The following VWC2L variants were observed in gnomAD, a reference collection of about 807,000 sequenced individuals.
VWC2L encodes von Willebrand factor C domain containing 2 like.
VWC2L carries 10 observed loss-of-function variants against 21.6 expected under a neutral mutation model. The observed-to-expected ratio is 0.46, with a 90% CI of 0.29 to 0.78. The LOEUF (loss-of-function observed/expected upper bound fraction) is 0.78. Among genes scored for constraint, VWC2L ranks in the 30% least tolerant of loss-of-function variants. The pLI is 0.10. For synonymous variants in VWC2L, 96 were observed against 94.3 expected, an observed-to-expected ratio of 1.02 and a Z score of -0.10; for missense variants, 209 against 277.1, an observed-to-expected ratio of 0.75 and a Z score of 1.74.
At chr2:214,490,996 G>C (rs183095834) in intron 3 of VWC2L, among the ~76,000 whole-genome samples, 44 of 152,280 alleles carry the variant, frequency 2.9e-4, no homozygotes, top group Middle Eastern at 3.4e-3. Context: ...TACATTCATA[G>C]ATACAGAAAA....
intron 3 of VWC2L, among the ~76,000 whole-genome samples, chr2:214,502,286 G>A (rs572347101): frequency 1.3e-5 from 2 of 152,088 alleles, no homozygotes; most frequent in East Asian, 1.9e-4. Flanking sequence ...AAATGACAAC[G>A]ATTGGCAGGG....
chr2:214,438,125 T>C (rs1020384150), intron 3 of VWC2L, among the ~76,000 whole-genome samples: 1 of 151,932 alleles, frequency 6.6e-6, no homozygotes, highest in African/African-American at 2.4e-5. Flanking sequence ...CTGAAGAAAC[T>C]GGAAAAGATA....
rs61633863 is a variant in VWC2L, at chr2:214,483,918, G to C, written c.520+47160G>C. ...ACCACAGAACATTTATTCTCTAACG[G>C]TTTTGGAAGATGGAAGTCTCAAATG... On this transcript the variant is annotated intron_variant, in intron 3 of 3. Transcript: ENST00000312504. 9.4e-3 allele frequency among the ~76,000 whole-genome samples: 1,426 copies of C among 152,224 alleles called. 29 individuals carry two copies. The highest frequency in any genetic ancestry group is 0.032 in the African/African-American group (1,346 of 41,522).
chr2:214,563,577 A>AAAAAAAAAAAAAAAAAAAC, intron 3 of VWC2L, among the ~76,000 whole-genome samples: 1 of 117,830 alleles, frequency 8.5e-6, no homozygotes. Flanking sequence ...AAAAAAAAAA[A>AAAAAAAAAAAAAAAAAAAC]AAAATCAAGT....
At chr2:214,552,936 T>A (rs1203685200) in intron 3 of VWC2L, among the ~76,000 whole-genome samples, 1 of 152,228 alleles carries the variant, frequency 6.6e-6, no homozygotes, top group Non-Finnish European at 1.5e-5. Flanking sequence ...CTTTTATATT[T>A]CTCTTCTCAA....
intron 3 of VWC2L, among the ~76,000 whole-genome samples, chr2:214,460,180 C>A (rs1288487094): frequency 6.6e-6 from 1 of 152,110 alleles, no homozygotes; most frequent in Non-Finnish European, 1.5e-5. Context: ...AGATCACAGG[C>A]GTGAGCCACC....
chr2:214,571,326 G>A (rs148824353), intron 3 of VWC2L, among the ~76,000 whole-genome samples: 2 of 152,278 alleles, frequency 1.3e-5, no homozygotes, highest in Non-Finnish European at 2.9e-5. Flanking sequence ...TTTCTGGCAA[G>A]TTACTTTTTA....
rs534872990 is a variant in VWC2L, at chr2:214,576,393, T to A, written c.*573T>A. ...CTAGGGTGAATCATGCCCTGTAGAC[T>A]AAGGAAAGAGGGGTGGGCACATAGA... On this transcript the variant is annotated 3_prime_UTR_variant, in exon 4 of 4. Transcript: ENST00000312504. 1 of 152,078 alleles carries A rather than the reference T, an allele frequency of 6.6e-6. No individual in the cohort carries two copies. Among genetic ancestry groups the A allele is most frequent in the African/African-American group, 2.4e-5 (1 of 41,490 alleles). 9.4% of individuals were successfully genotyped at this position (152,078 alleles called of 1,614,324 possible).
intron 3 of VWC2L, among the ~76,000 whole-genome samples, chr2:214,528,687 C>T (rs1199250333): frequency 1.3e-5 from 2 of 152,042 alleles, no homozygotes; most frequent in Non-Finnish European, 2.9e-5. Context: ...TCTGTCAAAA[C>T]CCATGTTCGT....
rs543287501 is a variant in VWC2L at position 214,512,566 on chromosome 2, T to TA, written c.521-63093dup. 1.3e-3 allele frequency among the ~76,000 whole-genome samples: 183 copies of TA among 145,096 alleles called. 2 individuals carry two copies. The South Asian group carries it at 0.013, about 10-fold the overall frequency. On this transcript the variant is annotated intron_variant, in intron 3 of 3. Coordinates refer to ENST00000312504, the MANE Select transcript of VWC2L (RefSeq NM_001080500.4). ...GTACATATACCCCTGAACTTAAAAGTAAAAAAAAAAAAATTTTACTCTCAC... is the reference window on the plus strand; with the variant it reads ...GTACATATACCCCTGAACTTAAAAGTAAAAAAAAAAAAAATTTTACTCTCAC...
intron 3 of VWC2L, among the ~76,000 whole-genome samples, chr2:214,495,021 G>C (rs1011981037): frequency 6.6e-6 from 1 of 152,034 alleles, no homozygotes; most frequent in African/African-American, 2.4e-5. Flanking sequence ...TTGTGCTTTC[G>C]AAGTGTCTGG....
At position 214,549,247 on chromosome 2, in the gene VWC2L, A is replaced by C. The variant is rs542424722; in HGVS notation, c.521-26425A>C. 4.1e-4 allele frequency among the ~76,000 whole-genome samples: 63 copies of C among 152,174 alleles called. 1 individual carries two copies. The highest frequency in any genetic ancestry group is 3.7e-3 in the Admixed American group (57 of 15,284). On this transcript the variant is annotated intron_variant, in intron 3 of 3. Coordinates refer to ENST00000312504, the MANE Select transcript of VWC2L (RefSeq NM_001080500.4). ...ATTCTTCACTCAATTGTGTCAGCAC[A>C]CTCGCTTTTACCATGTAAGGTGACA... is the stretch of plus-strand genomic sequence containing the variant.
At chr2:214,526,899 A>T (rs1689347938) in intron 3 of VWC2L, among the ~76,000 whole-genome samples, 1 of 152,234 alleles carries the variant, frequency 6.6e-6, no homozygotes, top group Non-Finnish European at 1.5e-5. Context: ...AAGAAGACAC[A>T]TACACTCATA....
At chr2:214,492,646 T>C (rs1368019505) in intron 3 of VWC2L, among the ~76,000 whole-genome samples, 1 of 152,236 alleles carries the variant, frequency 6.6e-6, no homozygotes, top group Non-Finnish European at 1.5e-5. Flanking sequence ...AATTCAATAT[T>C]ATAAATGCAC....
At chr2:214,429,848 G>T (rs1270456776) in intron 2 of VWC2L, among the ~76,000 whole-genome samples, 5 of 151,818 alleles carry the variant, frequency 3.3e-5, no homozygotes. Flanking sequence ...TTTTGAAATG[G>T]AGTCTTGCTC....
At chr2:214,533,376 G>A (rs923245338) in intron 3 of VWC2L, among the ~76,000 whole-genome samples, 2 of 151,856 alleles carry the variant, frequency 1.3e-5, no homozygotes, top group African/African-American at 4.8e-5. Flanking sequence ...TGCTCTCTTC[G>A]AGGCTGCTAG....
chr2:214,450,371 A>C (rs1222114127), intron 3 of VWC2L, among the ~76,000 whole-genome samples: 1 of 151,574 alleles, frequency 6.6e-6, no homozygotes, highest in East Asian at 1.9e-4. Context: ...CACTATGGTG[A>C]CCCTTCTAGC....
At chr2:214,422,644 T>G (rs1574556316) in intron 2 of VWC2L, among the ~76,000 whole-genome samples, 1 of 152,338 alleles carries the variant, frequency 6.6e-6, no homozygotes, top group South Asian at 2.1e-4. Context: ...TACTTTGGGT[T>G]TTATCATCAC....
intron 3 of VWC2L, among the ~76,000 whole-genome samples, chr2:214,530,445 T>C (rs1248498103): frequency 2.0e-5 from 3 of 152,144 alleles, no homozygotes; most frequent in African/African-American, 7.2e-5. Context: ...CAATACACAT[T>C]AGGTAATGTT....
Sources: gnomAD v4.1 joint callset for allele counts (sites outside exome capture counted in the v4.1 genomes callset) on GRCh38, gnomAD v4.1.1 for gene constraint, MANE v1.5 for transcripts, NCBI Gene and HGNC (gene_info 2026-07-23, HGNC 2026-07-21) for gene names.